MYT1L: variants seen among roughly 807,000 people sequenced by gnomAD.
MYT1L encodes myelin transcription factor 1-like protein.
MYT1L carries 12 observed loss-of-function variants against 126.7 expected under a neutral mutation model. That is an observed-to-expected ratio of 0.09 (90% CI 0.06 to 0.15). MYT1L has a LOEUF of 0.15. MYT1L is among the 10% of genes least tolerant of loss of function. The probability of loss-of-function intolerance (pLI) is 1.00; values close to 1 mark genes in which losing one functional copy is unlikely to be tolerated. For missense variants in MYT1L, 979 were observed against 1,585.2 expected (o/e 0.62, Z 6.49); for synonymous variants, 541 against 604.2 (o/e 0.90, Z 1.53).
chr2:2,137,220 C>A (rs1393650117), intron 3 of MYT1L, among the ~76,000 whole-genome samples: 1 of 152,178 alleles, frequency 6.6e-6, no homozygotes, highest in African/African-American at 2.4e-5. Context: ...ACATTCCATG[C>A]TCATGGGTGG....
At chr2:1,805,786 T>C (rs2035604902) in intron 22 of MYT1L, among the ~76,000 whole-genome samples, 1 of 152,144 alleles carries the variant, frequency 6.6e-6, no homozygotes, top group African/African-American at 2.4e-5. Context: ...CACAGGAGGC[T>C]GAGGTGGGAG....
At chr2:2,191,465 G>A (rs1365620823) in intron 2 of MYT1L, among the ~76,000 whole-genome samples, 1 of 152,230 alleles carries the variant, frequency 6.6e-6, no homozygotes, top group Non-Finnish European at 1.5e-5. Flanking sequence ...TAAACACACA[G>A]GGTGCCAACC....
intron 18 of MYT1L, among the ~76,000 whole-genome samples, chr2:1,869,660 T>G (rs2148698378): frequency 6.6e-6 from 1 of 152,324 alleles, no homozygotes; most frequent in East Asian, 1.9e-4. Flanking sequence ...TATCTAGTGA[T>G]TACCTACGGT....
intron 2 of MYT1L, among the ~76,000 whole-genome samples, chr2:2,229,998 T>C (rs1291340808): frequency 6.6e-6 from 1 of 152,258 alleles, no homozygotes; most frequent in Non-Finnish European, 1.5e-5. Flanking sequence ...TTTACCTTTA[T>C]TTTTAACTGT....
chr2:2,201,330 G>A (rs952727476), intron 2 of MYT1L, among the ~76,000 whole-genome samples: 2 of 152,272 alleles, frequency 1.3e-5, no homozygotes, highest in African/African-American at 4.8e-5. Flanking sequence ...CCAGCCAGTT[G>A]TTCCAATTTG....
At chr2:2,112,727 T>C (rs562752282) in intron 3 of MYT1L, among the ~76,000 whole-genome samples, 4 of 152,302 alleles carry the variant, frequency 2.6e-5, no homozygotes, top group South Asian at 4.1e-4. Context: ...CCAGGAGCAC[T>C]CTCAGAACTA....
At position 1,922,697 on chromosome 2, in the gene MYT1L, G is replaced by A. The variant is rs192615880; in HGVS notation, c.1072C>T (p.Arg358Cys). Reference protein sequence around the residue: ...ERNPQQNMNIRQHVRPEEDFP... With the variant: ...ERNPQQNMNICQHVRPEEDFP... ...TCCTCTTCTGGCCGGACATGCTGAC[G>A]GATGTTCATGTTCTGCTGCGGATTC... Residue 358 changes from arginine to cysteine, a missense_variant, in exon 10 of 25, where the codon CGT becomes TGT. Physicochemically the swap from Arg to Cys is radical, Grantham distance 180. Coordinates refer to ENST00000647738, the MANE Select transcript of MYT1L (RefSeq NM_001303052.2). The surrounding 1 kb of genome is among the most constrained non-coding windows in gnomAD (Gnocchi z 7.4). The A allele has an allele frequency of 5.6e-6, 9 of 1,613,814 alleles. No homozygotes were observed. The highest frequency in any genetic ancestry group is 2.2e-5 in the East Asian group (1 of 44,860).
intron 3 of MYT1L, among the ~76,000 whole-genome samples, chr2:2,065,445 C>T (rs1191627844): frequency 6.6e-6 from 1 of 152,108 alleles, no homozygotes; most frequent in Non-Finnish European, 1.5e-5. Flanking sequence ...AGAGGCAGTC[C>T]TTCCCAAAGC....
At chr2:1,828,254 C>G (rs1471378177) in intron 21 of MYT1L, 2 of 151,942 alleles carry the variant, frequency 1.3e-5, no homozygotes, top group African/African-American at 2.4e-5. Flanking sequence ...CTTCCTGGTA[C>G]TAGGTGACAC....
At position 1,793,718 on chromosome 2, in the gene MYT1L, C is replaced by T. The variant is rs1016092209; in HGVS notation, c.3277-1254G>A. ...GCAGCCCCCACCATTCCTGCAGGGACGGTCCCCTGTGGAGAACACACTGAA... is the reference window on the plus strand; with the variant it reads ...GCAGCCCCCACCATTCCTGCAGGGATGGTCCCCTGTGGAGAACACACTGAA... On this transcript the variant is annotated intron_variant, in intron 23 of 24. Coordinates refer to ENST00000647738, the MANE Select transcript of MYT1L (RefSeq NM_001303052.2). The surrounding 1 kb of genome is among the most constrained non-coding windows in gnomAD (Gnocchi z 4.6). Among the ~76,000 whole-genome samples, 6 of 152,178 alleles carry T rather than the reference C, an allele frequency of 3.9e-5. No homozygotes were observed. The highest frequency in any genetic ancestry group is 6.5e-5 in the Admixed American group (1 of 15,284).
At chr2:1,860,093 C>T (rs951305454) in intron 18 of MYT1L, among the ~76,000 whole-genome samples, 3 of 152,228 alleles carry the variant, frequency 2.0e-5, no homozygotes, top group Non-Finnish European at 2.9e-5. Flanking sequence ...CACTGCGAAC[C>T]GCTGCAGGGC....
At chr2:2,169,265 G>A (rs1181815352) in intron 3 of MYT1L, among the ~76,000 whole-genome samples, 1 of 152,164 alleles carries the variant, frequency 6.6e-6, no homozygotes. Context: ...CTTGGGCAGT[G>A]TGGTAGGAGC....
intron 2 of MYT1L, among the ~76,000 whole-genome samples, chr2:2,257,810 A>T (rs1211101210): frequency 6.6e-6 from 1 of 150,576 alleles, no homozygotes; most frequent in Non-Finnish European, 1.5e-5. Context: ...GAAAATGGCC[A>T]TACTGCCCAA....
At chr2:2,109,905 A>G in intron 3 of MYT1L, among the ~76,000 whole-genome samples, 1 of 122,010 alleles carries the variant, frequency 8.2e-6, no homozygotes, top group Non-Finnish European at 1.8e-5. Flanking sequence ...ATATATATAT[A>G]TATATATATA....
At chr2:1,815,936 T>A (rs561180259) in intron 21 of MYT1L, among the ~76,000 whole-genome samples, 4 of 152,196 alleles carry the variant, frequency 2.6e-5, no homozygotes, top group African/African-American at 9.6e-5. Context: ...TGGCTCCCTG[T>A]GCATCAGCAC....
chr2:1,948,925 AGATATTTTTATATCTTTAG>A (rs1487454925), intron 8 of MYT1L, among the ~76,000 whole-genome samples: 1 of 151,640 alleles, frequency 6.6e-6, no homozygotes, highest in Non-Finnish European at 1.5e-5. Flanking sequence ...AAATCTAAAA[AGATATTTTTATATCTTTAG>A]GATATTTTTA....
chr2:1,992,209 C>T (rs1001214851), intron 5 of MYT1L, among the ~76,000 whole-genome samples: 1 of 152,182 alleles, frequency 6.6e-6, no homozygotes, highest in Admixed American at 6.5e-5. Context: ...GACAACCCAG[C>T]GTCGGTCCAC....
chr2:2,143,839 T>A (rs998788584), intron 3 of MYT1L, among the ~76,000 whole-genome samples: 15 of 152,096 alleles, frequency 9.9e-5, no homozygotes, highest in African/African-American at 3.6e-4. Context: ...GAGGCCATTA[T>A]CCTAAGTGAA....
At chr2:2,079,382 A>G (rs1380491745) in intron 3 of MYT1L, among the ~76,000 whole-genome samples, 1 of 152,268 alleles carries the variant, frequency 6.6e-6, no homozygotes, top group East Asian at 1.9e-4. Context: ...ACAGATCAGA[A>G]TATTTAACAT....
Sources: allele counts gnomAD v4.1 joint callset (sites outside exome capture counted in the v4.1 genomes callset), GRCh38; gene constraint gnomAD v4.1.1; non-coding constraint Gnocchi (gnomAD v3.1); transcripts MANE v1.5; gene names NCBI Gene and HGNC (gene_info 2026-07-23, HGNC 2026-07-21).